FHIT: variants seen among roughly 807,000 people sequenced by gnomAD.
FHIT encodes bis(5'-adenosyl)-triphosphatase.
FHIT carries 19 observed loss-of-function variants against 17.9 expected under a neutral mutation model. That is an observed-to-expected ratio of 1.06 (90% CI 0.74 to 1.56). The LOEUF (loss-of-function observed/expected upper bound fraction) is 1.56, where lower values mean the gene tolerates loss of function less well. Among genes scored for constraint, FHIT ranks in the 40% most tolerant of loss-of-function variants. The pLI is 0.00. For missense variants in FHIT, 248 were observed against 189.2 expected, an observed-to-expected ratio of 1.31 and a Z score of -1.82; for synonymous variants, 81 against 69.7, an observed-to-expected ratio of 1.16 and a Z score of -0.81.
chr3:60,391,757 C>A (rs1701242424), intron 5 of FHIT, among the ~76,000 whole-genome samples: 1 of 152,104 alleles, frequency 6.6e-6, no homozygotes, highest in African/African-American at 2.4e-5. Context: ...GATGAAATCA[C>A]CTAAGGACAC....
intron 9 of FHIT, 40 bp downstream of exon 9, chr3:59,752,181 C>T: frequency 7.0e-7 from 1 of 1,438,534 alleles, no homozygotes; most frequent in Non-Finnish European, 9.7e-7. Flanking sequence ...TTCCTGAGGC[C>T]CACGGGAGGG....
chr3:60,631,329 C>G (rs545197140), intron 4 of FHIT, among the ~76,000 whole-genome samples: 11 of 152,030 alleles, frequency 7.2e-5, no homozygotes, highest in Non-Finnish European at 1.6e-4. Flanking sequence ...ATGACTGAAA[C>G]CACCAAAATC....
chr3:60,343,885 T>A (rs1316880558), intron 5 of FHIT, among the ~76,000 whole-genome samples: 1 of 152,186 alleles, frequency 6.6e-6, no homozygotes, highest in African/African-American at 2.4e-5. Context: ...GAAGCATGCT[T>A]TTGGTGGCTC....
intron 5 of FHIT, among the ~76,000 whole-genome samples, chr3:60,224,515 T>G (rs947262400): frequency 6.6e-6 from 1 of 152,134 alleles, no homozygotes; most frequent in Non-Finnish European, 1.5e-5. Flanking sequence ...TTTCTCCTTA[T>G]GCTCATATCC....
chr3:60,968,600 A>G (rs1025387188), intron 3 of FHIT, among the ~76,000 whole-genome samples: 1 of 152,104 alleles, frequency 6.6e-6, no homozygotes, highest in African/African-American at 2.4e-5. Context: ...TTTATTAGAG[A>G]CAGGATTTCA....
intron 5 of FHIT, among the ~76,000 whole-genome samples, chr3:60,510,711 C>A (rs1163800918): frequency 6.6e-6 from 1 of 152,072 alleles, no homozygotes; most frequent in Non-Finnish European, 1.5e-5. Context: ...CCTGCTCCCC[C>A]ACCTCCCCCC....
intron 4 of FHIT, among the ~76,000 whole-genome samples, chr3:60,743,933 G>A (rs1553714549): frequency 2.6e-5 from 4 of 152,138 alleles, no homozygotes; most frequent in African/African-American, 9.7e-5. Flanking sequence ...CTTGCTCTTT[G>A]CACAGTTAAT....
chr3:60,609,410 C>G (rs1014173150), intron 4 of FHIT, among the ~76,000 whole-genome samples: 4 of 152,076 alleles, frequency 2.6e-5, no homozygotes, highest in African/African-American at 9.7e-5. Context: ...ACTGCAATCT[C>G]CGCCTCTCGG....
intron 5 of FHIT, among the ~76,000 whole-genome samples, chr3:60,479,671 G>A (rs2033515687): frequency 6.6e-6 from 1 of 152,208 alleles, no homozygotes; most frequent in African/African-American, 2.4e-5. Flanking sequence ...CAGTGGGTGA[G>A]TGAGCATTAC....
chr3:60,494,805 T>C (rs2034225678), intron 5 of FHIT, among the ~76,000 whole-genome samples: 1 of 152,176 alleles, frequency 6.6e-6, no homozygotes, highest in Admixed American at 6.5e-5. Flanking sequence ...AATGACATGA[T>C]CTCATTCTTT....
intron 2 of FHIT, among the ~76,000 whole-genome samples, chr3:61,114,561 G>T (rs12491629): frequency 6.6e-6 from 1 of 151,742 alleles, no homozygotes; most frequent in Non-Finnish European, 1.5e-5. Context: ...CTGGCACAGA[G>T]GGGAAAAAAA....
intron 2 of FHIT, among the ~76,000 whole-genome samples, chr3:61,110,441 T>C (rs976702338): frequency 1.3e-5 from 2 of 152,174 alleles, no homozygotes; most frequent in African/African-American, 4.8e-5. Context: ...ACCTCCACCC[T>C]CTCCCTCTAA....
chr3:60,775,427 C>T (rs1700188246), intron 4 of FHIT, among the ~76,000 whole-genome samples: 1 of 152,084 alleles, frequency 6.6e-6, no homozygotes, highest in East Asian at 1.9e-4. Flanking sequence ...TGTGTGGAAC[C>T]TGGGATTCAA....
At chr3:60,690,364 G>A (rs561873573) in intron 4 of FHIT, 1 of 574,196 alleles carries the variant, frequency 1.7e-6, no homozygotes, top group African/African-American at 1.9e-5. Context: ...CAACCACTTG[G>A]TCTTGGCAGG....
intron 5 of FHIT, among the ~76,000 whole-genome samples, chr3:60,151,202 T>C (rs933312162): frequency 6.6e-6 from 1 of 152,172 alleles, no homozygotes; most frequent in Non-Finnish European, 1.5e-5. Flanking sequence ...TTAAGAACAG[T>C]ATGAACCTAT....
intron 4 of FHIT, among the ~76,000 whole-genome samples, chr3:60,775,087 C>T (rs1700174970): frequency 6.6e-6 from 1 of 152,118 alleles, no homozygotes; most frequent in South Asian, 2.1e-4. Context: ...CAGTGCAGCT[C>T]CTTTCATATT....
chr3:60,403,322 C>T (rs149940197), intron 5 of FHIT, among the ~76,000 whole-genome samples: 1 of 152,168 alleles, frequency 6.6e-6, no homozygotes, highest in Admixed American at 6.5e-5. Flanking sequence ...TTCAACAGAC[C>T]CTGAACTATG....
chr3:61,032,352 G>C (rs905641421), intron 3 of FHIT, among the ~76,000 whole-genome samples: 1 of 152,126 alleles, frequency 6.6e-6, no homozygotes, highest in Non-Finnish European at 1.5e-5. Flanking sequence ...GACTGTTTTA[G>C]AGTGATAAGG....
intron 7 of FHIT, among the ~76,000 whole-genome samples, chr3:59,996,115 T>A (rs1699500824): frequency 6.6e-6 from 1 of 152,098 alleles, no homozygotes; most frequent in Non-Finnish European, 1.5e-5. Context: ...ATAAAGACGA[T>A]GTGTGCTAAG....
Sources: gnomAD v4.1 joint callset for allele counts (sites outside exome capture counted in the v4.1 genomes callset) on GRCh38, gnomAD v4.1.1 for gene constraint, MANE v1.5 for transcripts, NCBI Gene and HGNC (gene_info 2026-07-23, HGNC 2026-07-21) for gene names.